The following ALKBH8 variants were observed in gnomAD, a reference collection of about 807,000 sequenced individuals.
The protein encoded by ALKBH8 is alkB homolog 8, tRNA methyltransferase, also known as tRNA (carboxymethyluridine(34)-5-O)-methyltransferase ALKBH8.
A neutral mutation model predicts 59.8 loss-of-function variants in ALKBH8; 36 were observed. The observed-to-expected ratio is 0.60, with a 90% confidence interval of 0.46 to 0.79. The LOEUF (loss-of-function observed/expected upper bound fraction) is 0.79, where lower values mean the gene tolerates loss of function less well. Ranked by LOEUF, ALKBH8 falls within the 30% of genes least tolerant of loss-of-function variation. The probability of loss-of-function intolerance (pLI) is 0.00; values close to 1 mark genes in which losing one functional copy is unlikely to be tolerated. For synonymous variants in ALKBH8, 276 were observed against 273.6 expected (o/e 1.01, Z -0.09); for missense variants, 768 against 801.0 (o/e 0.96, Z 0.50).
chr11:107,504,402 C>T lies in ALKBH8; in HGVS notation c.*256G>A, dbSNP rs1862288192. ...GGCTCTTACCCAAGAATTACAAACA[C>T]TGCACAAACTGCTTCAATCACTTTT... is the stretch of plus-strand genomic sequence containing the variant. On this transcript the variant is annotated 3_prime_UTR_variant, in exon 12 of 12. Coordinates refer to ENST00000428149, the MANE Select transcript of ALKBH8 (RefSeq NM_138775.3). 4.9e-6 allele frequency: 3 copies of T among 616,484 alleles called. No individual in the cohort carries two copies. The Admixed American group carries it at 9.0e-5, about 18-fold the overall frequency. The allele number at this position is 616,484 out of a possible 1,614,324, so 38.2% of individuals were successfully genotyped here.
rs73553694 is a variant in ALKBH8, at chr11:107,551,809, T to G, written c.699A>C (p.Gln233His). 4,314 of 1,532,596 alleles carry G rather than the reference T, an allele frequency of 2.8e-3. 81 individuals are homozygous for G. In the African/African-American group the frequency reaches 0.048, roughly 17 times the overall value. 94.9% of individuals were successfully genotyped at this position (1,532,596 alleles called of 1,614,324 possible). Residue 233 changes from glutamine (Q) to histidine (H), a missense_variant and splice_region_variant, in exon 6 of 12, where the codon CAA becomes CAC. By Grantham distance (24) the Gln-to-His change is conservative. Transcript: ENST00000428149. Reference sequence around the variant, plus strand: ...AATTTTTGAACAAGAAATACTCACCTTGCCCAGGTTCATACTGATTTATGG... The same window carrying G: ...AATTTTTGAACAAGAAATACTCACCGTGCCCAGGTTCATACTGATTTATGG... ...QMTINQYEPG[Q>H]GIPAHIDTHS...
At chr11:107,537,798 T>C (rs538500694) in intron 7 of ALKBH8, among the ~76,000 whole-genome samples, 1 of 152,174 alleles carries the variant, frequency 6.6e-6, no homozygotes, top group South Asian at 2.1e-4. Context: ...TCACACAATA[T>C]GAAGACAAAT....
chr11:107,522,128 C>A (rs1863137694), intron 10 of ALKBH8, among the ~76,000 whole-genome samples, 171 bp downstream of exon 10: 1 of 151,400 alleles, frequency 6.6e-6, no homozygotes. Flanking sequence ...GATGGTGTGC[C>A]CATAAATTCC....
Position 107,504,643 on chromosome 11 carries a change from T to G in ALKBH8, c.*15A>C. 1 of 1,541,586 alleles carries G rather than the reference T, an allele frequency of 6.5e-7. No homozygotes were observed. The highest frequency in any genetic ancestry group is 8.7e-7 in the Non-Finnish European group (1 of 1,143,328). On this transcript the variant is annotated 3_prime_UTR_variant, in exon 12 of 12. Transcript: ENST00000428149. ...GAGCATTTCTTCTTTATATATGATG[T>G]GTTCAGGTAAATAATCAGGCCTTTT...
intron 10 of ALKBH8, among the ~76,000 whole-genome samples, chr11:107,521,740 CA>C (rs1863118243): frequency 3.3e-5 from 5 of 152,258 alleles, no homozygotes; most frequent in Admixed American, 3.3e-4. Context: ...CTGGGTCTAG[CA>C]CTGTAACCTT....
At chr11:107,522,669 T>C in intron 9 of ALKBH8, 114 bp from the exon 10 acceptor site, 1 of 1,224,364 alleles carries the variant, frequency 8.2e-7, no homozygotes, top group Non-Finnish European at 1.1e-6. Context: ...AGACAGACTC[T>C]GATTTATCCG....
At chr11:107,540,214 T>C (rs1863981152) in intron 7 of ALKBH8, among the ~76,000 whole-genome samples, 3 of 152,138 alleles carry the variant, frequency 2.0e-5, no homozygotes. Flanking sequence ...TAGGCAAAAT[T>C]AGATCCAGCA....
At chr11:107,512,501 T>C (rs143944986) in intron 10 of ALKBH8, among the ~76,000 whole-genome samples, 7 of 152,110 alleles carry the variant, frequency 4.6e-5, no homozygotes, top group African/African-American at 1.4e-4. Flanking sequence ...TTTGTAGAGA[T>C]GGGGTTTCAC....
chr11:107,539,896 G>A (rs1024819378), intron 7 of ALKBH8, among the ~76,000 whole-genome samples: 6 of 152,272 alleles, frequency 3.9e-5, no homozygotes, highest in African/African-American at 1.2e-4. Flanking sequence ...CTATTCCCTT[G>A]TTCTGAAGCC....
chr11:107,518,522 G>GT (rs1862965631), intron 10 of ALKBH8, among the ~76,000 whole-genome samples: 1 of 152,238 alleles, frequency 6.6e-6, no homozygotes, highest in Admixed American at 6.5e-5. Flanking sequence ...ATGCTGGAAG[G>GT]TTGTGGGTTT....
intron 9 of ALKBH8, among the ~76,000 whole-genome samples, chr11:107,523,459 T>C (rs963812600): frequency 5.9e-5 from 9 of 151,970 alleles, no homozygotes; most frequent in Non-Finnish European, 1.2e-4. Flanking sequence ...GCTGGAGCAG[T>C]TGGGGTGGGA....
intron 11 of ALKBH8, among the ~76,000 whole-genome samples, chr11:107,506,178 A>G (rs1862376591): frequency 6.6e-6 from 1 of 152,212 alleles, no homozygotes. Context: ...GAAGGGCTAC[A>G]TTACAGAAGT....
At chr11:107,549,057 T>C (rs1481740271) in intron 7 of ALKBH8, among the ~76,000 whole-genome samples, 1 of 152,104 alleles carries the variant, frequency 6.6e-6, no homozygotes, top group African/African-American at 2.4e-5. Flanking sequence ...TTCACCGTGT[T>C]AGCCAGGATG....
chr11:107,547,697 A>T (rs569264053), intron 7 of ALKBH8, among the ~76,000 whole-genome samples: 24 of 152,346 alleles, frequency 1.6e-4, no homozygotes, highest in Non-Finnish European at 2.2e-4. Context: ...TCATAAAAAT[A>T]AACTTCATTT....
Position 107,503,783 on chromosome 11 carries a change from T to A in ALKBH8, c.*875A>T, listed in dbSNP as rs549176159. On this transcript the variant is annotated 3_prime_UTR_variant, in exon 12 of 12. Coordinates refer to ENST00000428149, the MANE Select transcript of ALKBH8 (RefSeq NM_138775.3). The stretch of plus-strand genomic sequence containing the variant: ...AAACAAAGGAGTTAAAGGAGCACAT[T>A]TGGGTTGTTTTTAGCACCCTGCTCA... 3 of 152,218 alleles carry A rather than the reference T, an allele frequency of 2.0e-5. No homozygotes were observed. Among genetic ancestry groups the A allele is most frequent in the Non-Finnish European group, 4.4e-5 (3 of 68,028 alleles). The allele number at this position is 152,218 out of a possible 1,614,324, so 9.4% of individuals were successfully genotyped here. A position where few individuals can be genotyped will look rare whatever the true frequency, so the allele number is the denominator to read the frequency against.
chr11:107,557,885 A>G (rs1045503066), intron 2 of ALKBH8, among the ~76,000 whole-genome samples: 3 of 152,196 alleles, frequency 2.0e-5, no homozygotes, highest in Non-Finnish European at 2.9e-5. Flanking sequence ...TTTTTAATTT[A>G]TGTTCTATGA....
intron 7 of ALKBH8, among the ~76,000 whole-genome samples, chr11:107,548,049 A>G (rs1864340605): frequency 6.6e-6 from 1 of 152,196 alleles, no homozygotes; most frequent in South Asian, 2.1e-4. Context: ...AGTAGAAAGC[A>G]CACTCCTAGT....
intron 1 of ALKBH8, among the ~76,000 whole-genome samples, chr11:107,564,896 C>T (rs976706088): frequency 6.6e-6 from 1 of 152,158 alleles, no homozygotes; most frequent in African/African-American, 2.4e-5. Flanking sequence ...AACCATTTGT[C>T]GAATAAACCT....
intron 10 of ALKBH8, among the ~76,000 whole-genome samples, chr11:107,520,254 G>C (rs1378617078): frequency 2.0e-5 from 3 of 152,212 alleles, no homozygotes; most frequent in Non-Finnish European, 4.4e-5. Flanking sequence ...ATCAGGCAAT[G>C]CAGTAAGCTC....
Sources: gnomAD v4.1 joint callset for allele counts (sites outside exome capture counted in the v4.1 genomes callset) on GRCh38, gnomAD v4.1.1 for gene constraint, MANE v1.5 for transcripts, NCBI Gene and HGNC (gene_info 2026-07-23, HGNC 2026-07-21) for gene names.